The following GHR variants were observed in gnomAD, a reference collection of about 807,000 sequenced individuals.
The protein encoded by GHR is growth hormone receptor.
GHR carries 35 observed loss-of-function variants against 67.1 expected under a neutral mutation model. The observed-to-expected ratio is 0.52, with a 90% CI of 0.40 to 0.69. GHR has a LOEUF of 0.69. Among genes scored for constraint, GHR ranks in the 30% least tolerant of loss-of-function variants. GHR has a pLI of 0.00. For missense variants in GHR, 792 were observed against 764.6 expected (o/e 1.04, Z -0.42); for synonymous variants, 272 against 269.1 (o/e 1.01, Z -0.10).
intron 1 of GHR, among the ~76,000 whole-genome samples, chr5:42,444,678 C>T: frequency 6.6e-6 from 1 of 152,108 alleles, no homozygotes; most frequent in East Asian, 1.9e-4. Context: ...AACTGAACTA[C>T]CTCTTTGCTC....
chr5:42,453,122 G>A (rs1335367138), intron 1 of GHR, among the ~76,000 whole-genome samples: 2 of 151,576 alleles, frequency 1.3e-5, no homozygotes, highest in Non-Finnish European at 2.9e-5. Context: ...CCTAATTGGA[G>A]TCTTGGTGCT....
chr5:42,633,683 T>C (rs188005171), intron 3 of GHR, among the ~76,000 whole-genome samples: 73 of 152,276 alleles, frequency 4.8e-4, no homozygotes, highest in Non-Finnish European at 8.5e-4. Flanking sequence ...CTCCAAACTC[T>C]TTTCTAAATT....
chr5:42,629,220 T>A, intron 3 of GHR, 117 bp downstream of exon 3: 1 of 665,504 alleles, frequency 1.5e-6, no homozygotes, highest in Admixed American at 2.3e-5. Flanking sequence ...AGTGACTGAG[T>A]TGAAATTTTA....
intron 2 of GHR, among the ~76,000 whole-genome samples, chr5:42,617,985 T>C (rs1753251660): frequency 6.6e-6 from 1 of 152,236 alleles, no homozygotes; most frequent in African/African-American, 2.4e-5. Context: ...CTCATTTAAT[T>C]GTCCATTTTA....
At chr5:42,476,211 TG>T (rs1206375158) in intron 1 of GHR, among the ~76,000 whole-genome samples, 3 of 146,796 alleles carry the variant, frequency 2.0e-5, no homozygotes, top group Admixed American at 6.8e-5. Context: ...CTTTTTGTTG[TG>T]TTTTTTGTTT....
chr5:42,449,730 G>T (rs530709732), intron 1 of GHR, among the ~76,000 whole-genome samples: 1 of 152,294 alleles, frequency 6.6e-6, no homozygotes, highest in South Asian at 2.1e-4. Flanking sequence ...CAGGCAGAAT[G>T]CTTTCAACTT....
chr5:42,713,407 G>A lies in GHR; in HGVS notation c.785-22G>A, dbSNP rs34223737. The A allele has an allele frequency of 0.013, 13,262 of 1,059,712 alleles. 274 individuals carry two copies. The highest frequency in any genetic ancestry group is 0.078 in the African/African-American group (5,061 of 64,592). 65.6% of individuals were successfully genotyped at this position (1,059,712 alleles called of 1,614,324 possible). A position where few individuals can be genotyped will look rare whatever the true frequency, so the allele number is the denominator to read the frequency against. ...TTCAACTATTCGTAATTCTGAAAGC[G>A]AAATATTCTTGTGTGTTTCAGATTT... is the stretch of plus-strand genomic sequence containing the variant. On this transcript the variant is annotated intron_variant, in intron 7 of 9. Coordinates refer to ENST00000230882, the MANE Select transcript of GHR (RefSeq NM_000163.5).
intron 2 of GHR, among the ~76,000 whole-genome samples, chr5:42,617,721 C>A (rs1753236302): frequency 1.3e-5 from 2 of 152,146 alleles, no homozygotes; most frequent in Non-Finnish European, 2.9e-5. Flanking sequence ...CCCCTTCAGG[C>A]TGACACAAAG....
intron 2 of GHR, among the ~76,000 whole-genome samples, chr5:42,573,283 G>A (rs1378359066): frequency 6.6e-6 from 1 of 152,148 alleles, no homozygotes. Flanking sequence ...AGTGGGAGGG[G>A]TCTAGAAATA....
intron 1 of GHR, among the ~76,000 whole-genome samples, chr5:42,479,050 A>G (rs966336855): frequency 6.6e-6 from 1 of 152,132 alleles, no homozygotes; most frequent in Non-Finnish European, 1.5e-5. Context: ...TTATTTTGAG[A>G]TATGTCCCAT....
intron 4 of GHR, among the ~76,000 whole-genome samples, chr5:42,690,857 C>T (rs1757390017): frequency 6.6e-6 from 1 of 152,060 alleles, no homozygotes; most frequent in Non-Finnish European, 1.5e-5. Flanking sequence ...TGTTTGATGA[C>T]ACTTTTGAAA....
chr5:42,433,779 G>A (rs1159104373), intron 1 of GHR, among the ~76,000 whole-genome samples: 1 of 141,208 alleles, frequency 7.1e-6, no homozygotes, highest in Non-Finnish European at 1.5e-5. Context: ...GGGTTGGAGA[G>A]GTTTCATGCA....
intron 3 of GHR, among the ~76,000 whole-genome samples, chr5:42,654,152 A>G (rs1025817574): frequency 1.4e-4 from 21 of 152,172 alleles, no homozygotes; most frequent in African/African-American, 5.1e-4. Flanking sequence ...TGTAAATTTC[A>G]GAATGCACAT....
At chr5:42,426,867 C>A (rs990610662) in intron 1 of GHR, among the ~76,000 whole-genome samples, 1 of 152,064 alleles carries the variant, frequency 6.6e-6, no homozygotes, top group Admixed American at 6.5e-5. Context: ...GGTGCATGAA[C>A]CTCTATCTGT....
intron 3 of GHR, among the ~76,000 whole-genome samples, chr5:42,661,633 C>A (rs1392401167): frequency 6.6e-6 from 1 of 152,166 alleles, no homozygotes; most frequent in Non-Finnish European, 1.5e-5. Flanking sequence ...ACAACAGGTA[C>A]CAGCCACTGC....
At chr5:42,597,506 T>C (rs992498174) in intron 2 of GHR, among the ~76,000 whole-genome samples, 3 of 152,142 alleles carry the variant, frequency 2.0e-5, no homozygotes, top group Non-Finnish European at 4.4e-5. Context: ...TAGGCTCTTG[T>C]TCTGAAAGGT....
intron 1 of GHR, chr5:42,467,271 A>C: frequency 7.9e-7 from 1 of 1,262,742 alleles, no homozygotes; most frequent in Non-Finnish European, 1.2e-6. Flanking sequence ...GTGAAAAACA[A>C]CTAAAGGTTT....
chr5:42,646,817 C>T (rs1467302528), intron 3 of GHR, among the ~76,000 whole-genome samples: 1 of 152,150 alleles, frequency 6.6e-6, no homozygotes, highest in Admixed American at 6.5e-5. Context: ...CTCCCATTAC[C>T]TTGCCCACCC....
At chr5:42,619,446 C>A (rs1177450610) in intron 2 of GHR, among the ~76,000 whole-genome samples, 1 of 152,030 alleles carries the variant, frequency 6.6e-6, no homozygotes, top group Admixed American at 6.6e-5. Flanking sequence ...ATAACAGCCA[C>A]TCTCCCCACA....
Sources: allele counts gnomAD v4.1 joint callset (sites outside exome capture counted in the v4.1 genomes callset), GRCh38; gene constraint gnomAD v4.1.1; transcripts MANE v1.5; gene names NCBI Gene and HGNC (gene_info 2026-07-23, HGNC 2026-07-21).